The following RBFOX2 variants were observed in gnomAD, a reference collection of about 807,000 sequenced individuals.
RBFOX2 encodes the protein RNA binding fox-1 homolog 2, also known as RNA binding protein fox-1 homolog 2.
In RBFOX2, 10 loss-of-function variants were observed where a neutral mutation model predicts 49.1. The observed-to-expected ratio is 0.20, with a 90% CI of 0.13 to 0.35. RBFOX2 has a LOEUF of 0.35. Ranked by LOEUF, RBFOX2 falls within the 10% of genes least tolerant of loss-of-function variation. RBFOX2 has a pLI of 1.00. For missense variants in RBFOX2, 323 were observed against 486.9 expected (o/e 0.66, Z 3.17); for synonymous variants, 183 against 187.4 (o/e 0.98, Z 0.19).
chr22:36,005,819 CT>C (rs1294525251), intron 1 of RBFOX2, among the ~76,000 whole-genome samples: 1 of 152,182 alleles, frequency 6.6e-6, no homozygotes, highest in Non-Finnish European at 1.5e-5. Flanking sequence ...GTGTTCTAAA[CT>C]TTTTTCTTGA....
At position 35,819,405 on chromosome 22, in the gene RBFOX2, AT is replaced by A. The variant is rs547165691; in HGVS notation, c.28-9402del. ...CTCTCACCTAGGCTATCTAAATAAC[AT>A]TTTTTTTGGTTTTTAAAGAGTTCTG... On this transcript the variant is annotated intron_variant, in intron 1 of 11. Coordinates refer to ENST00000405409, the Ensembl canonical transcript of RBFOX2. Among the ~76,000 whole-genome samples the A allele has an allele frequency of 1.8e-4, 27 of 152,048 alleles. No individual in the cohort carries two copies. In the East Asian group the frequency reaches 4.6e-3, roughly 26 times the overall value.
chr22:35,859,811 C>A (rs2042918214), intron 1 of RBFOX2, among the ~76,000 whole-genome samples: 1 of 152,198 alleles, frequency 6.6e-6, no homozygotes, highest in South Asian at 2.1e-4. Context: ...GATCTACCCA[C>A]CTCAGCCTCC....
At chr22:35,994,405 A>ATTTT (rs1214931631) in intron 1 of RBFOX2, 3 of 149,424 alleles carry the variant, frequency 2.0e-5, no homozygotes, top group Admixed American at 6.7e-5. Context: ...TTATTTATTT[A>ATTTT]TTTATTTATT....
At chr22:35,755,516 C>T (rs1165105860) in intron 9 of RBFOX2, among the ~76,000 whole-genome samples, 1 of 152,142 alleles carries the variant, frequency 6.6e-6, no homozygotes, top group Non-Finnish European at 1.5e-5. Context: ...AACTAAATAT[C>T]TGGCGTTTTC....
At chr22:35,990,466 G>C (rs928473056) in intron 1 of RBFOX2, among the ~76,000 whole-genome samples, 8 of 152,206 alleles carry the variant, frequency 5.3e-5, no homozygotes, top group African/African-American at 1.9e-4. Context: ...AATGACATTG[G>C]AGAAAAGAGG....
intron 1 of RBFOX2, among the ~76,000 whole-genome samples, chr22:35,923,575 C>G (rs538218590): frequency 6.6e-6 from 1 of 152,058 alleles, no homozygotes; most frequent in Non-Finnish European, 1.5e-5. Flanking sequence ...TTCCATTTGC[C>G]TTTTTAATAA....
chr22:35,964,404 C>T (rs73885458), upstream of RBFOX2, among the ~76,000 whole-genome samples: 1,135 of 152,308 alleles, frequency 7.5e-3, 15 homozygotes, highest in African/African-American at 0.026. Flanking sequence ...TTATTCTAAA[C>T]TTCTGGACAA....
Position 35,760,854 on chromosome 22 carries a change from T to A in RBFOX2, c.754+348A>T, listed in dbSNP as rs569412771. ...CAATAATACTGGAAGTACTTCTAAG[T>A]GATCCTCTGCTGGAGAACCTGTGGC... On this transcript the variant is annotated intron_variant, in intron 8 of 11. Coordinates refer to ENST00000405409, the Ensembl canonical transcript of RBFOX2. Among the ~76,000 whole-genome samples the A allele has an allele frequency of 2.0e-5, 3 of 152,324 alleles. No individual in the cohort carries two copies. The East Asian group carries it at 5.8e-4, about 29-fold the overall frequency.
chr22:35,797,965 T>C (rs1949081836), intron 2 of RBFOX2, among the ~76,000 whole-genome samples: 1 of 152,178 alleles, frequency 6.6e-6, no homozygotes, highest in South Asian at 2.1e-4. Context: ...CACTTATCTG[T>C]ACTTTGTTTT....
At chr22:35,773,880 G>C (rs1252857443) in intron 4 of RBFOX2, among the ~76,000 whole-genome samples, 2 of 151,988 alleles carry the variant, frequency 1.3e-5, no homozygotes, top group Non-Finnish European at 2.9e-5. Context: ...AATAACTTTT[G>C]AATAAAACAA....
exon 1 of RBFOX2, chr22:36,028,388 A>C: frequency 7.8e-7 from 1 of 1,280,230 alleles, no homozygotes. Context: ...GCCGGGCCCG[A>C]GCTGAGGCGG....
At chr22:35,920,031 A>AGTATAT (rs1369425391) in intron 1 of RBFOX2, among the ~76,000 whole-genome samples, 1 of 152,106 alleles carries the variant, frequency 6.6e-6, no homozygotes, top group Non-Finnish European at 1.5e-5. Context: ...TACACAGAAT[A>AGTATAT]GTGGCTAAAC....
chr22:35,937,109 G>A (rs1376772105), intron 1 of RBFOX2, among the ~76,000 whole-genome samples: 3 of 152,188 alleles, frequency 2.0e-5, no homozygotes, highest in African/African-American at 7.2e-5. Flanking sequence ...GCACTACACA[G>A]CAGAATCACC....
chr22:35,869,469 CAAAAAAAAAAAAAAAAAAAAAAAAA>C, intron 1 of RBFOX2, among the ~76,000 whole-genome samples: 1 of 30,534 alleles, frequency 3.3e-5, no homozygotes, highest in East Asian at 1.3e-3. Context: ...AACGGCTGAC[CAAAAAAAAAAAAAAAAAAAAAAAAA>C]AAAAAAAAAA....
chr22:35,849,204 C>T (rs1201032424), intron 1 of RBFOX2, among the ~76,000 whole-genome samples: 1 of 151,580 alleles, frequency 6.6e-6, no homozygotes, highest in East Asian at 1.9e-4. Flanking sequence ...CAAAACAAAG[C>T]CTAAAGTTTA....
intron 6 of RBFOX2, among the ~76,000 whole-genome samples, chr22:35,764,600 A>T (rs1029657489): frequency 6.6e-6 from 1 of 151,766 alleles, no homozygotes. Flanking sequence ...AAAAAAAAAA[A>T]AAACTCCAGC....
In RBFOX2 at chr22:35,933,678, TTAAAGTA is replaced by T. The variant is rs573050565; in HGVS notation, c.-34+5162_-34+5168del. Among the ~76,000 whole-genome samples, 31 of 152,250 alleles carry T rather than the reference TTAAAGTA, an allele frequency of 2.0e-4. No homozygotes were observed. The East Asian group carries it at 4.0e-3, about 20-fold the overall frequency. On this transcript the variant is annotated intron_variant, in intron 1 of 13. Transcript: ENST00000359369. ...AAAAGTAAGTCTTCCCTGTGGTTGA[TTAAAGTA>T]TAAGCCTCTTTTAATCAATTAACTT...
chr22:35,943,928 A>T (rs1404525243), intron 1 of RBFOX2, among the ~76,000 whole-genome samples: 1 of 152,250 alleles, frequency 6.6e-6, no homozygotes, highest in Admixed American at 6.5e-5. Flanking sequence ...CTGCCAATGG[A>T]CTGTGAATGT....
chr22:35,783,685 A>C (rs1432875222), intron 2 of RBFOX2, among the ~76,000 whole-genome samples: 1 of 152,180 alleles, frequency 6.6e-6, no homozygotes, highest in Admixed American at 6.5e-5. Flanking sequence ...TCCGGGCCAT[A>C]AAGATGGTCT....
Sources: allele counts gnomAD v4.1 joint callset (sites outside exome capture counted in the v4.1 genomes callset), GRCh38; gene constraint gnomAD v4.1.1; transcripts MANE v1.5; gene names NCBI Gene and HGNC (gene_info 2026-07-23, HGNC 2026-07-21).